PPP2R3A: variants seen among roughly 807,000 people sequenced by gnomAD.
PPP2R3A encodes protein phosphatase 2 regulatory subunit B''alpha.
A neutral mutation model predicts 106.9 loss-of-function variants in PPP2R3A; 80 were observed. The ratio of observed to expected loss-of-function variants is 0.75; its 90% CI spans 0.62 to 0.90. The LOEUF (loss-of-function observed/expected upper bound fraction) is 0.90, where lower values mean the gene tolerates loss of function less well. PPP2R3A is among the 40% of genes least tolerant of loss of function. The pLI, the probability that PPP2R3A is intolerant of heterozygous loss-of-function variation, is 0.00. For synonymous variants in PPP2R3A, 483 were observed against 468.3 expected, an observed-to-expected ratio of 1.03 and a Z score of -0.41; for missense variants, 1,386 against 1,350.4, an observed-to-expected ratio of 1.03 and a Z score of -0.41.
intron 13 of PPP2R3A, among the ~76,000 whole-genome samples, chr3:136,142,027 T>C (rs939488048): frequency 6.6e-6 from 1 of 152,142 alleles, no homozygotes; most frequent in African/African-American, 2.4e-5. Context: ...GCCATCTATA[T>C]AGTAGGCAGC....
intron 3 of PPP2R3A, among the ~76,000 whole-genome samples, chr3:136,032,566 C>T (rs995591267): frequency 7.3e-5 from 11 of 150,056 alleles, no homozygotes; most frequent in East Asian, 5.9e-4. Context: ...CTCGCTCTGT[C>T]GCCCAGGCTG....
chr3:135,999,244 A>G (rs1351625711), intron 1 of PPP2R3A, among the ~76,000 whole-genome samples: 1 of 152,208 alleles, frequency 6.6e-6, no homozygotes, highest in Non-Finnish European at 1.5e-5. Context: ...CTTAATCTTC[A>G]TGAGATGGGT....
At chr3:136,023,124 G>C (rs1349343375) in intron 2 of PPP2R3A, 2 of 1,613,528 alleles carry the variant, frequency 1.2e-6, no homozygotes, top group South Asian at 1.1e-5. Flanking sequence ...GGGAGAGCTA[G>C]CTTTCCTGGC....
chr3:136,098,182 G>A (rs1937260748), intron 10 of PPP2R3A, among the ~76,000 whole-genome samples: 1 of 152,174 alleles, frequency 6.6e-6, no homozygotes, highest in Non-Finnish European at 1.5e-5. Flanking sequence ...CAGGTGTGGT[G>A]GTACATGCCT....
chr3:136,036,249 A>G (rs1472839099), intron 3 of PPP2R3A, among the ~76,000 whole-genome samples: 1 of 152,010 alleles, frequency 6.6e-6, no homozygotes, highest in Non-Finnish European at 1.5e-5. Context: ...GTTTGGGTCC[A>G]TTGCTGATAA....
At chr3:136,085,447 G>A (rs114127884) in intron 8 of PPP2R3A, among the ~76,000 whole-genome samples, 4,943 of 152,110 alleles carry the variant, frequency 0.032, 271 homozygotes, top group African/African-American at 0.11. Context: ...TATTAGCAGC[G>A]TGAGAACAGA....
intron 5 of PPP2R3A, among the ~76,000 whole-genome samples, chr3:136,054,680 G>A (rs1222559835): frequency 1.3e-5 from 2 of 152,206 alleles, no homozygotes; most frequent in Admixed American, 6.5e-5. Flanking sequence ...TAGGAAAGAT[G>A]TTCAGGTAAA....
intron 13 of PPP2R3A, among the ~76,000 whole-genome samples, chr3:136,114,139 C>T (rs1304627367): frequency 2.6e-5 from 4 of 152,118 alleles, no homozygotes; most frequent in Non-Finnish European, 2.9e-5. Context: ...GGTGGGGCAT[C>T]GCCTCACCCA....
chr3:136,010,343 C>CT (rs1163690632), intron 2 of PPP2R3A, among the ~76,000 whole-genome samples: 1 of 145,932 alleles, frequency 6.9e-6, no homozygotes, highest in Non-Finnish European at 1.5e-5. Context: ...ACTGTAACCT[C>CT]TGCCTCCCTC....
chr3:136,144,980 A>G, intron 13 of PPP2R3A, 63 bp from the exon 14 acceptor site: 1 of 1,559,290 alleles, frequency 6.4e-7, no homozygotes, highest in Non-Finnish European at 8.7e-7. Flanking sequence ...GATTTGCCAT[A>G]TTGATTTCTA....
chr3:136,102,786 C>T (rs1333437513), intron 11 of PPP2R3A, among the ~76,000 whole-genome samples: 3 of 152,128 alleles, frequency 2.0e-5, no homozygotes, highest in African/African-American at 7.2e-5. Context: ...TGAGTAGCCA[C>T]TGCACTCCAG....
intron 5 of PPP2R3A, among the ~76,000 whole-genome samples, chr3:136,051,635 A>G (rs373028607): frequency 2.6e-5 from 4 of 152,182 alleles, no homozygotes; most frequent in Non-Finnish European, 5.9e-5. Context: ...TGGCCATGCC[A>G]TGATTTTTTA....
rs533376802 is a variant in PPP2R3A at position 136,054,714 on chromosome 3, ATGT to A, written c.2469+5357_2469+5359del. On this transcript the variant is annotated intron_variant, in intron 5 of 13. Transcript: ENST00000264977. ...AAGGCATCATCAGTCAGCTCAGTAG[ATGT>A]TGTCTACATTTATTTTCTACCTTTG... Among the ~76,000 whole-genome samples, 849 of 152,336 alleles carry A rather than the reference ATGT, an allele frequency of 5.6e-3. 13 individuals carry two copies. Among genetic ancestry groups the A allele is most frequent in the African/African-American group, 0.02 (811 of 41,568 alleles).
At chr3:136,114,420 A>G (rs1482916328) in intron 13 of PPP2R3A, among the ~76,000 whole-genome samples, 1 of 152,120 alleles carries the variant, frequency 6.6e-6, no homozygotes, top group Non-Finnish European at 1.5e-5. Context: ...GGTGCTTGGA[A>G]TGCCAGCAAG....
chr3:136,071,529 A>G (rs1186664969), intron 6 of PPP2R3A, among the ~76,000 whole-genome samples: 1 of 152,154 alleles, frequency 6.6e-6, no homozygotes, highest in Non-Finnish European at 1.5e-5. Context: ...CCTCTACCAC[A>G]ATCAACCTGG....
chr3:136,039,552 A>G (rs1935191346), intron 3 of PPP2R3A, among the ~76,000 whole-genome samples: 1 of 152,104 alleles, frequency 6.6e-6, no homozygotes, highest in South Asian at 2.1e-4. Context: ...TGCACAACCT[A>G]GATCCCTTGC....
chr3:135,978,767 TTTG>T (rs1307068100), intron 1 of PPP2R3A, among the ~76,000 whole-genome samples: 6 of 151,836 alleles, frequency 4.0e-5, no homozygotes, highest in African/African-American at 1.2e-4. Context: ...ATAGATGCAG[TTTG>T]TTATTTTGGA....
At chr3:136,059,760 A>C (rs560240626) in intron 5 of PPP2R3A, among the ~76,000 whole-genome samples, 1 of 152,222 alleles carries the variant, frequency 6.6e-6, no homozygotes, top group African/African-American at 2.4e-5. Flanking sequence ...CCAGATAAAG[A>C]AAATGTGATA....
At chr3:136,045,198 A>C (rs1366693653) in intron 4 of PPP2R3A, among the ~76,000 whole-genome samples, 1 of 151,698 alleles carries the variant, frequency 6.6e-6, no homozygotes. Context: ...CACAGCCTCC[A>C]CTCCCCTGCG....
Sources: allele counts gnomAD v4.1 joint callset (sites outside exome capture counted in the v4.1 genomes callset), GRCh38; gene constraint gnomAD v4.1.1; transcripts MANE v1.5; gene names NCBI Gene and HGNC (gene_info 2026-07-23, HGNC 2026-07-21).